The following CRTC3 variants were observed in gnomAD, a reference collection of about 807,000 sequenced individuals.
The protein encoded by CRTC3 is CREB regulated transcription coactivator 3.
In CRTC3, 26 loss-of-function variants were observed where a neutral mutation model predicts 74.5. The ratio of observed to expected loss-of-function variants is 0.35; its 90% CI spans 0.26 to 0.48. The LOEUF (loss-of-function observed/expected upper bound fraction) is 0.48. Among genes scored for constraint, CRTC3 ranks in the 20% least tolerant of loss-of-function variants. The probability of loss-of-function intolerance (pLI) is 0.99; values close to 1 mark genes in which losing one functional copy is unlikely to be tolerated. For missense variants in CRTC3, 760 were observed against 787.3 expected, an observed-to-expected ratio of 0.97 and a Z score of 0.41; for synonymous variants, 377 against 325.8, an observed-to-expected ratio of 1.16 and a Z score of -1.69.
chr15:90,637,276 C>T (rs1969273117), intron 11 of CRTC3, among the ~76,000 whole-genome samples: 1 of 152,120 alleles, frequency 6.6e-6, no homozygotes, highest in Non-Finnish European at 1.5e-5. Context: ...AAGCTGGAAA[C>T]CATCATTCTC....
At position 90,530,083 on chromosome 15, in the gene CRTC3, G is replaced by A. The variant is rs1264821996; in HGVS notation, c.12G>A (p.Ser4=). The A allele has an allele frequency of 1.4e-6, 2 of 1,437,060 alleles. No individual in the cohort carries two copies. Among genetic ancestry groups the A allele is most frequent in the Admixed American group, 2.1e-5 (1 of 47,642 alleles). 89.0% of individuals were successfully genotyped at this position (1,437,060 alleles called of 1,614,324 possible). A position where few individuals can be genotyped will look rare whatever the true frequency, so the allele number is the denominator to read the frequency against. Residue 4 remains serine (S), a synonymous_variant, in exon 1 of 15, where the codon TCG becomes TCA. Coordinates refer to ENST00000268184, the MANE Select transcript of CRTC3 (RefSeq NM_022769.5). The surrounding 1 kb of genome is among the most constrained non-coding windows in gnomAD (Gnocchi z 6.2). MAA[S]PGSGSANPRK... ...GCAGAGTCCGCGCCATGGCCGCCTC[G>A]CCGGGCTCGGGCAGCGCCAACCCGC...
chr15:90,597,542 CTG>C (rs1051446850), intron 3 of CRTC3, among the ~76,000 whole-genome samples: 2 of 152,190 alleles, frequency 1.3e-5, no homozygotes, highest in African/African-American at 4.8e-5. Flanking sequence ...TTATAGGACA[CTG>C]TTTCTTTGAG....
chr15:90,532,464 T>C (rs1020811902), intron 1 of CRTC3, among the ~76,000 whole-genome samples: 3 of 152,164 alleles, frequency 2.0e-5, no homozygotes, highest in African/African-American at 7.2e-5. Context: ...GACATGCTAA[T>C]TCCTGACTTT....
chr15:90,543,641 T>G (rs1211544688), intron 2 of CRTC3, among the ~76,000 whole-genome samples: 2 of 152,148 alleles, frequency 1.3e-5, no homozygotes, highest in Non-Finnish European at 2.9e-5. Flanking sequence ...CCAATTAGGC[T>G]GGTGGGAGCC....
Position 90,602,922 on chromosome 15 carries a change from T to C in CRTC3, c.413+537T>C, listed in dbSNP as rs563802014. Among the ~76,000 whole-genome samples, 27 of 151,472 alleles carry C rather than the reference T, an allele frequency of 1.8e-4. No individual in the cohort carries two copies. In the South Asian group the frequency reaches 4.0e-3, roughly 22 times the overall value. ...CAGAGAGTCGGAGGTTGCAGTGAGC[T>C]GAGATCACGCCACAGCACTCCAGCC... On this transcript the variant is annotated intron_variant, in intron 4 of 14. Transcript: ENST00000268184.
At chr15:90,592,336 A>G (rs1194752186) in intron 2 of CRTC3, among the ~76,000 whole-genome samples, 3 of 152,236 alleles carry the variant, frequency 2.0e-5, no homozygotes, top group African/African-American at 4.8e-5. Flanking sequence ...ATCATGTTGT[A>G]CAGTGTAAAT....
At position 90,551,629 on chromosome 15, in the gene CRTC3, C is replaced by A. The variant is rs151300077; in HGVS notation, c.231+11492C>A. Among the ~76,000 whole-genome samples the A allele has an allele frequency of 1.1e-3, 175 of 152,208 alleles. 1 individual carries two copies. The South Asian group carries it at 0.027, about 23-fold the overall frequency. On this transcript the variant is annotated intron_variant, in intron 2 of 14. Coordinates refer to ENST00000268184, the MANE Select transcript of CRTC3 (RefSeq NM_022769.5). ...GTTTCAGCACCGGATTAAGTCCTCACCTTCCCTTAAGAGCCCAGGGCTTTA... is the reference window on the plus strand; with the variant it reads ...GTTTCAGCACCGGATTAAGTCCTCAACTTCCCTTAAGAGCCCAGGGCTTTA...
At chr15:90,638,369 T>C in intron 11 of CRTC3, 77 bp from the exon 12 acceptor site, 2 of 1,287,168 alleles carry the variant, frequency 1.6e-6, no homozygotes, top group African/African-American at 1.5e-5. Context: ...CCTCTCACTC[T>C]GACATTTCCT....
At position 90,581,239 on chromosome 15, in the gene CRTC3, G is replaced by T. The variant is rs368004215; in HGVS notation, c.232-12397G>T. On this transcript the variant is annotated intron_variant, in intron 2 of 14. Coordinates refer to ENST00000268184, the MANE Select transcript of CRTC3 (RefSeq NM_022769.5). ...AGAACAGGACAAGGACACTGTGTGT[G>T]TCTTTTCATGAGCTAGTGGCCAGAT... Among the ~76,000 whole-genome samples, 18 of 152,300 alleles carry T rather than the reference G, an allele frequency of 1.2e-4. No individual in the cohort carries two copies. The East Asian group carries it at 2.1e-3, about 18-fold the overall frequency.
At chr15:90,546,116 T>C (rs1966843917) in intron 2 of CRTC3, among the ~76,000 whole-genome samples, 1 of 152,306 alleles carries the variant, frequency 6.6e-6, no homozygotes, top group South Asian at 2.1e-4. Context: ...TAAGAGTTCT[T>C]CATCTAACTC....
intron 2 of CRTC3, among the ~76,000 whole-genome samples, chr15:90,560,424 C>T (rs1659177775): frequency 6.6e-6 from 1 of 152,196 alleles, no homozygotes; most frequent in Non-Finnish European, 1.5e-5. Context: ...AATTTGTGGG[C>T]TTAGCTCCAA....
rs148109453 is a variant in CRTC3 at position 90,612,925 on chromosome 15, G to T, written c.578-1528G>T. 5.3e-5 allele frequency among the ~76,000 whole-genome samples: 8 copies of T among 152,244 alleles called. No homozygotes were observed. In the East Asian group the frequency reaches 1.5e-3, roughly 29 times the overall value. ...CGACAATTAAAAATGTAGGCTGGGCGTGGTGGCTCACACCTGTAATCCCAG... is the reference window on the plus strand; with the variant it reads ...CGACAATTAAAAATGTAGGCTGGGCTTGGTGGCTCACACCTGTAATCCCAG... On this transcript the variant is annotated intron_variant, in intron 6 of 14. Coordinates refer to ENST00000268184, the MANE Select transcript of CRTC3 (RefSeq NM_022769.5).
rs781735252 is a variant in CRTC3, at chr15:90,530,237, C to T, written c.132+34C>T. 29 of 660,580 alleles carry T rather than the reference C, an allele frequency of 4.4e-5. No individual in the cohort carries two copies. In the South Asian group the frequency reaches 7.8e-4, roughly 18 times the overall value. The allele number at this position is 660,580 out of a possible 1,614,324, so 40.9% of individuals were successfully genotyped here. A position where few individuals can be genotyped will look rare whatever the true frequency, so the allele number is the denominator to read the frequency against. ...CCGGGCCGGCGCGGGCGGGGGCGGC[C>T]ACGGCCGCGGGCGGGACCCGCGCGG... On this transcript the variant is annotated intron_variant, in intron 1 of 14. Transcript: ENST00000268184. This position sits in a 1 kb window ranked among gnomAD's most constrained non-coding sequence, Gnocchi z 6.2.
At chr15:90,594,976 G>A (rs1967885947) in intron 3 of CRTC3, 1 of 152,132 alleles carries the variant, frequency 6.6e-6, no homozygotes, top group South Asian at 2.1e-4. Context: ...CCCAGGGAAT[G>A]TTTTTCTCTC....
intron 6 of CRTC3, among the ~76,000 whole-genome samples, chr15:90,608,763 C>G (rs373596156): frequency 6.5e-4 from 99 of 152,340 alleles, no homozygotes; most frequent in Middle Eastern, 3.4e-3. Flanking sequence ...GAATCACACA[C>G]TGGCTCACAT....
chr15:90,535,064 G>A (rs1431376167), intron 1 of CRTC3, among the ~76,000 whole-genome samples: 3 of 151,924 alleles, frequency 2.0e-5, no homozygotes, highest in Non-Finnish European at 4.4e-5. Flanking sequence ...AGGAGACTGA[G>A]GCAAGAGAAT....
chr15:90,550,520 A>G lies in CRTC3; in HGVS notation c.231+10383A>G, dbSNP rs1371389110. Among the ~76,000 whole-genome samples the G allele has an allele frequency of 2.0e-5, 3 of 150,962 alleles. No individual in the cohort carries two copies. In the East Asian group the frequency reaches 5.9e-4, roughly 29 times the overall value. On this transcript the variant is annotated intron_variant, in intron 2 of 14. Coordinates refer to ENST00000268184, the MANE Select transcript of CRTC3 (RefSeq NM_022769.5). ...GAAAATGTTTTAGTAACTTAGTACA[A>G]GGTTAAACAAGCAGATGGCACTGTC... is the stretch of plus-strand genomic sequence containing the variant.
At chr15:90,609,345 G>C (rs902634749) in intron 6 of CRTC3, among the ~76,000 whole-genome samples, 1 of 152,122 alleles carries the variant, frequency 6.6e-6, no homozygotes, top group African/African-American at 2.4e-5. Flanking sequence ...GTGGGAAGAG[G>C]GATGAGTTTA....
intron 8 of CRTC3, among the ~76,000 whole-genome samples, chr15:90,619,364 G>A (rs1231113851): frequency 2.0e-5 from 3 of 152,206 alleles, no homozygotes; most frequent in East Asian, 3.9e-4. Flanking sequence ...GGCTGAGGCA[G>A]GAGAATCGCT....
Sources: gnomAD v4.1 joint callset for allele counts (sites outside exome capture counted in the v4.1 genomes callset) on GRCh38, gnomAD v4.1.1 for gene constraint, Gnocchi (gnomAD v3.1) non-coding constraint, MANE v1.5 for transcripts, NCBI Gene and HGNC (gene_info 2026-07-23, HGNC 2026-07-21) for gene names.